PLEKHS1: variants seen among roughly 807,000 people sequenced by gnomAD.
PLEKHS1 encodes pleckstrin homology domain-containing family S member 1.
A neutral mutation model predicts 51.0 loss-of-function variants in PLEKHS1; 55 were observed. The ratio of observed to expected loss-of-function variants is 1.08; its 90% CI spans 0.87 to 1.35. The LOEUF (loss-of-function observed/expected upper bound fraction) is 1.35. Ranked by LOEUF, PLEKHS1 falls within the 40% of genes most tolerant of loss-of-function variation. The pLI is 0.00. For missense variants in PLEKHS1, 398 were observed against 423.0 expected, an observed-to-expected ratio of 0.94 and a Z score of 0.52; for synonymous variants, 153 against 144.8, an observed-to-expected ratio of 1.06 and a Z score of -0.41.
At chr10:113,778,904 T>C (rs1316563948) in intron 11 of PLEKHS1, among the ~76,000 whole-genome samples, 1 of 152,224 alleles carries the variant, frequency 6.6e-6, no homozygotes, top group Non-Finnish European at 1.5e-5. Context: ...GTGCTGGGAT[T>C]ACAGGCGAGA....
rs780231244 is a variant in PLEKHS1, at chr10:113,766,728, C to G, written c.224+10C>G. On this transcript the variant is annotated intron_variant, in intron 4 of 11. Coordinates refer to ENST00000361048, the Ensembl canonical transcript of PLEKHS1. ...CCATTGAAATTGATCAGTGTGTATC[C>G]AAGCAGGAAAACTTTTATAACAACA... 1.3e-6 allele frequency: 2 copies of G among 1,565,410 alleles called. No homozygotes were observed. The highest frequency in any genetic ancestry group is 2.4e-5 in the South Asian group (2 of 84,154).
intron 2 of PLEKHS1, among the ~76,000 whole-genome samples, chr10:113,757,542 C>A (rs1490064691): frequency 1.3e-5 from 2 of 152,156 alleles, no homozygotes; most frequent in Non-Finnish European, 2.9e-5. Flanking sequence ...TTATCTGAGC[C>A]TTCAGTGAGT....
intron 11 of PLEKHS1, among the ~76,000 whole-genome samples, chr10:113,779,110 G>A (rs1258563594): frequency 6.6e-6 from 1 of 152,210 alleles, no homozygotes; most frequent in Non-Finnish European, 1.5e-5. Flanking sequence ...GGATCACAGA[G>A]GTAGAATGGA....
chr10:113,770,138 T>C (rs1844340415), intron 7 of PLEKHS1, among the ~76,000 whole-genome samples: 1 of 152,188 alleles, frequency 6.6e-6, no homozygotes, highest in Non-Finnish European at 1.5e-5. Flanking sequence ...ATGCTTTGGG[T>C]ATGCTAGGGT....
At chr10:113,768,182 C>T (rs1844247052) in intron 5 of PLEKHS1, among the ~76,000 whole-genome samples, 1 of 152,174 alleles carries the variant, frequency 6.6e-6, no homozygotes. Context: ...AGGAACTAGG[C>T]TTGCCCCCAA....
At chr10:113,776,116 G>T (rs1048315202) in intron 11 of PLEKHS1, among the ~76,000 whole-genome samples, 5 of 152,164 alleles carry the variant, frequency 3.3e-5, no homozygotes, top group African/African-American at 1.2e-4. Context: ...AGCCATTTCT[G>T]ACTCCTCTAA....
chr10:113,760,713 C>T (rs7914580), intron 2 of PLEKHS1, among the ~76,000 whole-genome samples: 2,530 of 152,102 alleles, frequency 0.017, 66 homozygotes, highest in African/African-American at 0.059. Context: ...GGATAGTAGG[C>T]CCTGGTCAGA....
intron 11 of PLEKHS1, chr10:113,777,639 G>A (rs778760275): frequency 6.5e-7 from 1 of 1,534,030 alleles, no homozygotes; most frequent in South Asian, 1.2e-5. Context: ...ATAATTAAAT[G>A]AGGTAATATG....
chr10:113,765,968 T>G (rs948041883), intron 2 of PLEKHS1, among the ~76,000 whole-genome samples: 14 of 152,242 alleles, frequency 9.2e-5, no homozygotes, highest in African/African-American at 3.4e-4. Context: ...GTGTTTACCT[T>G]CACTCCTTTT....
chr10:113,759,480 ACTGT>A (rs1001271469), intron 2 of PLEKHS1, among the ~76,000 whole-genome samples: 1 of 152,120 alleles, frequency 6.6e-6, no homozygotes, highest in African/African-American at 2.4e-5. Context: ...GTTTTCTCTC[ACTGT>A]AAGTTTGTTT....
At chr10:113,771,437 G>T (rs1844399011) in intron 7 of PLEKHS1, among the ~76,000 whole-genome samples, 1 of 152,072 alleles carries the variant, frequency 6.6e-6, no homozygotes, top group Non-Finnish European at 1.5e-5. Flanking sequence ...ACTTTGGGAG[G>T]CTGAGGCGGG....
intron 1 of PLEKHS1, among the ~76,000 whole-genome samples, chr10:113,752,691 C>T (rs1406866339): frequency 6.6e-6 from 1 of 152,222 alleles, no homozygotes; most frequent in Non-Finnish European, 1.5e-5. Flanking sequence ...AGCTAACACT[C>T]TAAACCACCA....
At chr10:113,775,027 A>G (rs747290509) in exon 10 of PLEKHS1, 4 of 1,613,954 alleles carry the variant, frequency 2.5e-6, no homozygotes, top group African/African-American at 1.3e-5. Flanking sequence ...AATTGTCTAT[A>G]TTAATCAAGT....
chr10:113,769,904 A>G lies in PLEKHS1; in HGVS notation c.552+4A>G. The stretch of plus-strand genomic sequence containing the variant: ...AAGAAATGGTCTCCAAGACAAGGTA[A>G]TGGGGCTCACTTCTTTCTCAGGACA... On this transcript the variant is annotated splice_donor_region_variant and intron_variant, in intron 7 of 11. Coordinates refer to ENST00000361048, the Ensembl canonical transcript of PLEKHS1. 1 of 1,600,308 alleles carries G rather than the reference A, an allele frequency of 6.2e-7. No homozygotes were observed. The highest frequency in any genetic ancestry group is 1.3e-5 in the African/African-American group (1 of 74,720).
intron 6 of PLEKHS1, among the ~76,000 whole-genome samples, chr10:113,769,465 G>GCA (rs1421028573): frequency 1.3e-5 from 2 of 152,148 alleles, no homozygotes; most frequent in Non-Finnish European, 2.9e-5. Flanking sequence ...AGAAATCAAG[G>GCA]CATGTCTTCA....
intron 2 of PLEKHS1, among the ~76,000 whole-genome samples, chr10:113,758,395 T>G (rs1480466345): frequency 6.6e-6 from 1 of 152,188 alleles, no homozygotes; most frequent in Non-Finnish European, 1.5e-5. Context: ...GGTGACCAGG[T>G]GTATTGTCAA....
intron 6 of PLEKHS1, 82 bp from the exon 7 acceptor site, chr10:113,769,702 C>A: frequency 1.2e-6 from 1 of 847,766 alleles, no homozygotes; most frequent in South Asian, 1.4e-5. Flanking sequence ...AGACAGGAGG[C>A]AAGGAGCCCG....
At chr10:113,753,691 C>T (rs1853959408) in intron 1 of PLEKHS1, among the ~76,000 whole-genome samples, 1 of 152,136 alleles carries the variant, frequency 6.6e-6, no homozygotes, top group Non-Finnish European at 1.5e-5. Flanking sequence ...TCCAGGAAAG[C>T]CATCCCACTG....
In PLEKHS1 at chr10:113,771,965, T is replaced by C; in HGVS notation, c.553-5T>C. 6.2e-7 allele frequency: 1 copy of C among 1,603,356 alleles called. No homozygotes were observed. Among genetic ancestry groups the C allele is most frequent in the Non-Finnish European group, 8.5e-7 (1 of 1,177,624 alleles). On this transcript the variant is annotated splice_polypyrimidine_tract_variant and splice_region_variant and intron_variant, in intron 7 of 11. Transcript: ENST00000361048. ...AAGCAAAGCATTTTTATCTCTTTTC[T>C]TCAGCATTTAATGGAACAAAGTTCT...
Sources: gnomAD v4.1 joint callset for allele counts (sites outside exome capture counted in the v4.1 genomes callset) on GRCh38, gnomAD v4.1.1 for gene constraint, MANE v1.5 for transcripts, NCBI Gene and HGNC (gene_info 2026-07-23, HGNC 2026-07-21) for gene names.